The following GNAQ variants were observed in gnomAD, a reference collection of about 807,000 sequenced individuals.
GNAQ encodes G protein subunit alpha q, also known as guanine nucleotide-binding protein G(q) subunit alpha.
In GNAQ, 8 loss-of-function variants were observed where a neutral mutation model predicts 43.9. The observed-to-expected ratio is 0.18, with a 90% confidence interval of 0.11 to 0.33. The LOEUF (loss-of-function observed/expected upper bound fraction) is 0.33. Ranked by LOEUF, GNAQ falls within the 10% of genes least tolerant of loss-of-function variation. GNAQ has a pLI of 1.00. For missense variants in GNAQ, 158 were observed against 450.8 expected, an observed-to-expected ratio of 0.35 and a Z score of 5.88; for synonymous variants, 155 against 170.7, an observed-to-expected ratio of 0.91 and a Z score of 0.71.
chr9:77,812,966 G>C (rs1826951451), intron 3 of GNAQ, among the ~76,000 whole-genome samples: 1 of 151,920 alleles, frequency 6.6e-6, no homozygotes, highest in Non-Finnish European at 1.5e-5. Flanking sequence ...GCAGGGGCAT[G>C]ATTGATCTCG....
intron 2 of GNAQ, among the ~76,000 whole-genome samples, chr9:77,865,676 A>C (rs909787842): frequency 1.3e-5 from 2 of 152,194 alleles, no homozygotes; most frequent in African/African-American, 4.8e-5. Flanking sequence ...TGCCAGTCAC[A>C]GTCTCTCTGT....
At chr9:77,771,090 G>A (rs1826215928) in intron 5 of GNAQ, among the ~76,000 whole-genome samples, 1 of 152,196 alleles carries the variant, frequency 6.6e-6, no homozygotes, top group Non-Finnish European at 1.5e-5. Flanking sequence ...AAGATGAGAA[G>A]AGGAGGAATC....
chr9:77,875,023 A>C (rs1828106217), intron 2 of GNAQ, among the ~76,000 whole-genome samples: 4 of 152,222 alleles, frequency 2.6e-5, no homozygotes, highest in African/African-American at 9.6e-5. Context: ...TCCCACCTCT[A>C]ACTGGTTCAG....
chr9:77,979,219 G>A (rs897887621), intron 1 of GNAQ, among the ~76,000 whole-genome samples: 12 of 151,942 alleles, frequency 7.9e-5, no homozygotes, highest in Non-Finnish European at 4.4e-5. Context: ...AACCAGGTAC[G>A]GTGGCGGATG....
intron 5 of GNAQ, among the ~76,000 whole-genome samples, chr9:77,763,143 A>AC (rs1554714125): frequency 9.3e-5 from 2 of 21,458 alleles, no homozygotes; most frequent in East Asian, 2.1e-3. Flanking sequence ...CAAACAAACA[A>AC]AAAAAAAAAA....
intron 3 of GNAQ, among the ~76,000 whole-genome samples, chr9:77,812,359 C>T (rs1826942676): frequency 1.3e-5 from 2 of 152,138 alleles, no homozygotes; most frequent in Admixed American, 6.5e-5. Flanking sequence ...CTTCATCCAC[C>T]ATGGGTAAAC....
chr9:77,756,276 A>G (rs185195528), intron 5 of GNAQ, among the ~76,000 whole-genome samples: 2 of 152,264 alleles, frequency 1.3e-5, no homozygotes, highest in Non-Finnish European at 2.9e-5. Flanking sequence ...CCTCTAGAGA[A>G]CCCTACTACA....
chr9:78,010,487 C>T (rs779713984), intron 1 of GNAQ, among the ~76,000 whole-genome samples: 47 of 152,078 alleles, frequency 3.1e-4, no homozygotes, highest in Non-Finnish European at 3.5e-4. Flanking sequence ...ATGTCACAGA[C>T]GCCACTCAAG....
intron 2 of GNAQ, among the ~76,000 whole-genome samples, chr9:77,835,861 T>A (rs1827374876): frequency 6.6e-6 from 1 of 152,206 alleles, no homozygotes; most frequent in African/African-American, 2.4e-5. Flanking sequence ...GTGCCTAGAC[T>A]CTTCTCTTGC....
At chr9:77,878,623 C>G (rs541207574) in intron 2 of GNAQ, among the ~76,000 whole-genome samples, 1 of 150,248 alleles carries the variant, frequency 6.7e-6, no homozygotes, top group Admixed American at 6.6e-5. Context: ...TAAAGAAAAC[C>G]GGGTAATAAG....
intron 2 of GNAQ, among the ~76,000 whole-genome samples, chr9:77,905,649 T>C (rs1361635285): frequency 6.6e-6 from 1 of 152,212 alleles, no homozygotes; most frequent in African/African-American, 2.4e-5. Context: ...TTGGAGATAA[T>C]TCAACCTGAA....
intron 2 of GNAQ, among the ~76,000 whole-genome samples, chr9:77,892,352 C>T (rs1234700859): frequency 6.6e-6 from 1 of 152,148 alleles, no homozygotes. Flanking sequence ...AAGTAGGCTC[C>T]CAGCTCTGCC....
chr9:77,950,125 G>C (rs1822957368), intron 1 of GNAQ, among the ~76,000 whole-genome samples: 2 of 152,032 alleles, frequency 1.3e-5, no homozygotes, highest in Non-Finnish European at 2.9e-5. Context: ...GTTCTTACCG[G>C]GTTCCCTTCC....
At chr9:77,911,494 T>C (rs1828802540) in intron 2 of GNAQ, among the ~76,000 whole-genome samples, 1 of 152,192 alleles carries the variant, frequency 6.6e-6, no homozygotes, top group Admixed American at 6.6e-5. Flanking sequence ...ATTAAAATAC[T>C]ATAGTTAATA....
intron 2 of GNAQ, among the ~76,000 whole-genome samples, chr9:77,915,492 T>C (rs753824604): frequency 6.6e-6 from 1 of 152,214 alleles, no homozygotes; most frequent in South Asian, 2.1e-4. Context: ...CTCTACATAA[T>C]GACAATTCCT....
chr9:77,904,709 C>A (rs1828675286), intron 2 of GNAQ, among the ~76,000 whole-genome samples: 1 of 152,068 alleles, frequency 6.6e-6, no homozygotes, highest in South Asian at 2.1e-4. Flanking sequence ...TTGGGTTGAT[C>A]CAAATTAAAG....
chr9:77,824,265 T>C (rs965924006), intron 2 of GNAQ, among the ~76,000 whole-genome samples: 1 of 152,194 alleles, frequency 6.6e-6, no homozygotes, highest in Non-Finnish European at 1.5e-5. Context: ...TGGTAGACCT[T>C]AATAGTTTTA....
chr9:77,886,382 C>T (rs1214776812), intron 2 of GNAQ, among the ~76,000 whole-genome samples: 2 of 114,238 alleles, frequency 1.8e-5, no homozygotes, highest in Admixed American at 1.0e-4. Context: ...TAGAGCTATG[C>T]TCTTAAAAAA....
intron 2 of GNAQ, among the ~76,000 whole-genome samples, chr9:77,912,128 C>T (rs940063779): frequency 6.6e-6 from 1 of 152,192 alleles, no homozygotes; most frequent in Non-Finnish European, 1.5e-5. Context: ...CACTGAGTGA[C>T]TTCTACTGCT....
Sources: allele counts gnomAD v4.1 joint callset (sites outside exome capture counted in the v4.1 genomes callset), GRCh38; gene constraint gnomAD v4.1.1; transcripts MANE v1.5; gene names NCBI Gene and HGNC (gene_info 2026-07-23, HGNC 2026-07-21).